The following PALLD variants were observed in gnomAD, a reference collection of about 807,000 sequenced individuals.
PALLD encodes the protein palladin.
PALLD carries 61 observed loss-of-function variants against 123.5 expected under a neutral mutation model. The ratio of observed to expected loss-of-function variants is 0.49; its 90% CI spans 0.40 to 0.61. The LOEUF is 0.61. Among genes scored for constraint, PALLD ranks in the 20% least tolerant of loss-of-function variants. The pLI, the probability that PALLD is intolerant of heterozygous loss-of-function variation, is 0.00. For missense variants in PALLD, 1,273 were observed against 1,377.0 expected, an observed-to-expected ratio of 0.92 and a Z score of 1.20; for synonymous variants, 465 against 496.4, an observed-to-expected ratio of 0.94 and a Z score of 0.84.
intron 2 of PALLD, among the ~76,000 whole-genome samples, chr4:168,639,835 T>C (rs11941042): frequency 0.05 from 7,544 of 152,300 alleles, 199 homozygotes; most frequent in African/African-American, 0.069. Flanking sequence ...TGAGCCACCG[T>C]GCCCGGCCTG....
chr4:168,867,108 T>A (rs1750398745), intron 10 of PALLD, among the ~76,000 whole-genome samples: 1 of 152,226 alleles, frequency 6.6e-6, no homozygotes, highest in Admixed American at 6.5e-5. Context: ...TTGGACAACT[T>A]ACTATATATC....
intron 2 of PALLD, among the ~76,000 whole-genome samples, chr4:168,634,394 C>T (rs1776133451): frequency 6.6e-6 from 1 of 152,212 alleles, no homozygotes; most frequent in South Asian, 2.1e-4. Context: ...AAACGTGCCT[C>T]TGCCAGCTGC....
Position 168,823,876 on chromosome 4 carries a change from A to G in PALLD, c.1965-67046A>G, listed in dbSNP as rs144482345. ...TGTCTGTGTTCTCCAAAATGGAGTC[A>G]GTTTGTGAAGAGAATTTTTGTCAGA... is the stretch of plus-strand genomic sequence containing the variant. On this transcript the variant is annotated intron_variant, in intron 10 of 21. Coordinates refer to ENST00000505667, the MANE Select transcript of PALLD (RefSeq NM_001166108.2). Among the ~76,000 whole-genome samples, 291 of 152,352 alleles carry G rather than the reference A, an allele frequency of 1.9e-3. 2 individuals are homozygous for G. The highest frequency in any genetic ancestry group is 6.6e-3 in the African/African-American group (274 of 41,586).
intron 17 of PALLD, among the ~76,000 whole-genome samples, chr4:168,918,228 A>G (rs1291235577): frequency 2.0e-5 from 3 of 151,792 alleles, no homozygotes; most frequent in Admixed American, 6.6e-5. Flanking sequence ...ATCAGTAGCA[A>G]TATCTGCATT....
intron 1 of PALLD, among the ~76,000 whole-genome samples, chr4:168,499,635 A>C (rs147010367): frequency 4.6e-5 from 7 of 152,256 alleles, no homozygotes; most frequent in Non-Finnish European, 1.0e-4. Flanking sequence ...ATCCCCCTGC[A>C]TGTCCCACCT....
intron 2 of PALLD, among the ~76,000 whole-genome samples, chr4:168,649,249 T>A (rs1282091981): frequency 6.6e-6 from 1 of 152,220 alleles, no homozygotes; most frequent in African/African-American, 2.4e-5. Context: ...GGTGTGAGTT[T>A]TTTTAGTATC....
intron 2 of PALLD, among the ~76,000 whole-genome samples, chr4:168,579,609 TA>T (rs1417723392): frequency 6.6e-6 from 1 of 152,044 alleles, no homozygotes; most frequent in Non-Finnish European, 1.5e-5. Flanking sequence ...ATTAACAAAT[TA>T]AAAAATATGA....
At chr4:168,796,654 G>A (rs1738553380) in intron 10 of PALLD, among the ~76,000 whole-genome samples, 1 of 152,144 alleles carries the variant, frequency 6.6e-6, no homozygotes, top group African/African-American at 2.4e-5. Flanking sequence ...GTATTCAAAT[G>A]GCATATCTTC....
At chr4:168,806,422 A>C (rs986025437) in intron 10 of PALLD, among the ~76,000 whole-genome samples, 1 of 151,594 alleles carries the variant, frequency 6.6e-6, no homozygotes, top group African/African-American at 2.4e-5. Flanking sequence ...TCTCTCTCCA[A>C]CTCCACCAAG....
intron 10 of PALLD, among the ~76,000 whole-genome samples, chr4:168,724,780 T>C (rs1455643262): frequency 6.6e-6 from 1 of 152,206 alleles, no homozygotes; most frequent in Non-Finnish European, 1.5e-5. Flanking sequence ...TTCCAACCTC[T>C]GTATGTGAAG....
At chr4:168,613,583 T>A (rs1773939658) in intron 2 of PALLD, among the ~76,000 whole-genome samples, 1 of 152,226 alleles carries the variant, frequency 6.6e-6, no homozygotes, top group African/African-American at 2.4e-5. Context: ...GGCTTGGTTG[T>A]GAAACATACA....
intron 10 of PALLD, among the ~76,000 whole-genome samples, chr4:168,825,612 C>T (rs566413635): frequency 5.6e-4 from 86 of 152,266 alleles, no homozygotes; most frequent in Non-Finnish European, 1.1e-3. Flanking sequence ...CAATTCCCTC[C>T]TTCTTGTGAT....
chr4:168,878,212 G>A lies in PALLD; in HGVS notation c.1965-12710G>A. The A allele has an allele frequency of 7.2e-6, 11 of 1,518,374 alleles. No homozygotes were observed. The highest frequency in any genetic ancestry group is 8.8e-6 in the Non-Finnish European group (10 of 1,140,946). The allele number at this position is 1,518,374 out of a possible 1,614,324, so 94.1% of individuals were successfully genotyped here. ...CGGCTGCCTTCCCGGTGCCCGACGT[G>A]TTCCCACTGCCGCCGCCACCACCGC... On this transcript the variant is annotated intron_variant, in intron 10 of 21. Coordinates refer to ENST00000505667, the MANE Select transcript of PALLD (RefSeq NM_001166108.2).
intron 10 of PALLD, among the ~76,000 whole-genome samples, chr4:168,888,704 A>T (rs529439859): frequency 1.9e-4 from 29 of 152,224 alleles, no homozygotes; most frequent in African/African-American, 6.7e-4. Context: ...GGCCAAACTA[A>T]TCACTCTCGA....
chr4:168,612,602 C>T (rs1016787729), intron 2 of PALLD, among the ~76,000 whole-genome samples: 1 of 151,988 alleles, frequency 6.6e-6, no homozygotes, highest in Admixed American at 6.6e-5. Context: ...GGGACATTTG[C>T]CCCCAAACGT....
chr4:168,571,614 A>G (rs1768993419), intron 2 of PALLD, among the ~76,000 whole-genome samples: 1 of 152,210 alleles, frequency 6.6e-6, no homozygotes, highest in Non-Finnish European at 1.5e-5. Context: ...GTAAAACTAT[A>G]GAAGTCAAGC....
chr4:168,761,026 G>A (rs989279644), intron 10 of PALLD, among the ~76,000 whole-genome samples: 16 of 152,256 alleles, frequency 1.1e-4, no homozygotes, highest in African/African-American at 3.1e-4. Flanking sequence ...GTTCTCAGTC[G>A]TTCTTGCAAC....
chr4:168,569,050 T>TA (rs1226517467), intron 2 of PALLD, among the ~76,000 whole-genome samples: 2 of 152,134 alleles, frequency 1.3e-5, no homozygotes, highest in Non-Finnish European at 2.9e-5. Context: ...CAACAGCTGT[T>TA]AAAATTCGGA....
intron 2 of PALLD, among the ~76,000 whole-genome samples, chr4:168,524,951 C>A (rs1336568637): frequency 6.6e-6 from 1 of 152,120 alleles, no homozygotes; most frequent in Non-Finnish European, 1.5e-5. Context: ...TCTATCAAAG[C>A]CATTTTGCTG....
Sources: gnomAD v4.1 joint callset for allele counts (sites outside exome capture counted in the v4.1 genomes callset) on GRCh38, gnomAD v4.1.1 for gene constraint, MANE v1.5 for transcripts, NCBI Gene and HGNC (gene_info 2026-07-23, HGNC 2026-07-21) for gene names.